CDH18: variants seen among roughly 807,000 people sequenced by gnomAD.
CDH18 encodes the protein cadherin 18.
In CDH18, 31 loss-of-function variants were observed where a neutral mutation model predicts 67.9. That is an observed-to-expected ratio of 0.46 (90% CI 0.34 to 0.62). The LOEUF is 0.62. Ranked by LOEUF, CDH18 falls within the 20% of genes least tolerant of loss-of-function variation. The pLI is 0.01. For missense variants in CDH18, 890 were observed against 975.5 expected, an observed-to-expected ratio of 0.91 and a Z score of 1.17; for synonymous variants, 362 against 347.2, an observed-to-expected ratio of 1.04 and a Z score of -0.48.
At chr5:20,489,343 T>C (rs545253407) in intron 1 of CDH18, among the ~76,000 whole-genome samples, 33 of 152,170 alleles carry the variant, frequency 2.2e-4, no homozygotes, top group African/African-American at 7.9e-4. Flanking sequence ...TAAAAGATTA[T>C]ACATGTGGGT....
At position 20,505,628 on chromosome 5, in the gene CDH18, T is replaced by C. The variant is rs573659232; in HGVS notation, c.-580+69834A>G. On this transcript the variant is annotated intron_variant, in intron 1 of 14. Transcript: ENST00000507958. ...AATAATTTTCTTTCACACATACACA[T>C]ACACATTTTACAAATACAACATATA... Among the ~76,000 whole-genome samples, 4 of 152,298 alleles carry C rather than the reference T, an allele frequency of 2.6e-5. No individual in the cohort carries two copies. In the South Asian group the frequency reaches 8.3e-4, roughly 32 times the overall value.
chr5:20,037,869 G>A (rs1740030848), intron 2 of CDH18, among the ~76,000 whole-genome samples: 1 of 151,766 alleles, frequency 6.6e-6, no homozygotes, highest in Non-Finnish European at 1.5e-5. Context: ...AGAACTGAAG[G>A]AGACAGAGAC....
chr5:20,007,053 T>G (rs922720677), intron 2 of CDH18, among the ~76,000 whole-genome samples: 37 of 151,950 alleles, frequency 2.4e-4, no homozygotes, highest in African/African-American at 7.0e-4. Flanking sequence ...ATTGATTCAC[T>G]GGAAGTACCA....
chr5:19,869,783 C>A (rs1028752543), intron 2 of CDH18, among the ~76,000 whole-genome samples: 4 of 152,104 alleles, frequency 2.6e-5, no homozygotes, highest in Admixed American at 1.3e-4. Context: ...ATGAGTAGTT[C>A]CGTTTCAATT....
At chr5:19,789,668 A>G (rs1299940881) in intron 3 of CDH18, among the ~76,000 whole-genome samples, 1 of 152,178 alleles carries the variant, frequency 6.6e-6, no homozygotes, top group Non-Finnish European at 1.5e-5. Flanking sequence ...TTCTATTGCA[A>G]ATAAATATAT....
At chr5:20,197,702 T>C (rs1294143901) in intron 2 of CDH18, among the ~76,000 whole-genome samples, 1 of 152,210 alleles carries the variant, frequency 6.6e-6, no homozygotes, top group Non-Finnish European at 1.5e-5. Flanking sequence ...GAATACTGTA[T>C]GACTGTTTAG....
chr5:19,815,695 A>AT (rs1047534401), intron 3 of CDH18, among the ~76,000 whole-genome samples: 1 of 151,860 alleles, frequency 6.6e-6, no homozygotes, highest in African/African-American at 2.4e-5. Context: ...GGATATCTCA[A>AT]TTTTTTTGAC....
intron 11 of CDH18, among the ~76,000 whole-genome samples, chr5:19,490,394 G>GGTTTTTTTT (rs1741223437): frequency 2.7e-4 from 16 of 60,210 alleles, no homozygotes; most frequent in African/African-American, 1.0e-3. Context: ...ATAAAAATCT[G>GGTTTTTTTT]TTTTTTTTTT....
chr5:19,977,958 C>T (rs2150353760), intron 2 of CDH18, among the ~76,000 whole-genome samples: 1 of 152,150 alleles, frequency 6.6e-6, no homozygotes, highest in African/African-American at 2.4e-5. Flanking sequence ...GAATATTCTA[C>T]TATGATTGAA....
rs1736855964 is a variant in CDH18 at position 20,172,224 on chromosome 5, G to GTATATATATATATACGTATATATACGTA, written c.-518+83219_-518+83220insTACGTATATATACGTATATATATATATA. On this transcript the variant is annotated intron_variant, in intron 2 of 14. Transcript: ENST00000507958. The stretch of plus-strand genomic sequence containing the variant: ...TATATATATATATATATATATATAT[G>GTATATATATATATACGTATATATACGTA]TATATATATATATATGTATATATAT... Among the ~76,000 whole-genome samples the GTATATATATATATACGTATATATACGTA allele has an allele frequency of 3.1e-4, 6 of 19,526 alleles. 1 individual carries two copies. The highest frequency in any genetic ancestry group is 1.9e-4 in the Non-Finnish European group (2 of 10,662). The allele number at this position is 19,526 out of a possible 152,430, so 12.8% of individuals were successfully genotyped here.
intron 1 of CDH18, among the ~76,000 whole-genome samples, chr5:20,569,705 T>C (rs1758702361): frequency 6.6e-6 from 1 of 152,156 alleles, no homozygotes; most frequent in South Asian, 2.1e-4. Flanking sequence ...AACACTTACA[T>C]ATACACAAAA....
chr5:19,536,327 T>C (rs969878126), intron 9 of CDH18, among the ~76,000 whole-genome samples: 1 of 152,208 alleles, frequency 6.6e-6, no homozygotes, highest in Non-Finnish European at 1.5e-5. Flanking sequence ...AAACAGTTCT[T>C]ACCAGTAAAT....
At chr5:19,686,401 C>G (rs1350300781) in intron 5 of CDH18, among the ~76,000 whole-genome samples, 1 of 152,048 alleles carries the variant, frequency 6.6e-6, no homozygotes, top group Non-Finnish European at 1.5e-5. Flanking sequence ...GGAAGAGTTA[C>G]AGCTTGTGAA....
At chr5:19,736,264 G>A (rs1207421098) in intron 4 of CDH18, among the ~76,000 whole-genome samples, 6 of 152,172 alleles carry the variant, frequency 3.9e-5, no homozygotes, top group Admixed American at 2.0e-4. Context: ...GGTAGCACAC[G>A]CCTTTAGGTG....
intron 1 of CDH18, among the ~76,000 whole-genome samples, chr5:20,372,197 G>A (rs977790717): frequency 6.6e-6 from 1 of 152,142 alleles, no homozygotes; most frequent in Non-Finnish European, 1.5e-5. Context: ...AGAGACCAAA[G>A]AGAGAGATTA....
At chr5:20,024,753 A>C (rs959386493) in intron 2 of CDH18, among the ~76,000 whole-genome samples, 26 of 152,272 alleles carry the variant, frequency 1.7e-4, no homozygotes, top group African/African-American at 6.0e-4. Flanking sequence ...GGAGTCTAAC[A>C]AGGAGATGAA....
chr5:20,188,166 AT>A (rs924884832), intron 2 of CDH18, among the ~76,000 whole-genome samples: 17 of 152,068 alleles, frequency 1.1e-4, no homozygotes, highest in African/African-American at 2.6e-4. Flanking sequence ...CATATATACA[AT>A]TTTTTAAAGC....
chr5:20,396,262 G>A (rs1745270160), intron 1 of CDH18, among the ~76,000 whole-genome samples: 1 of 152,024 alleles, frequency 6.6e-6, no homozygotes, highest in African/African-American at 2.4e-5. Flanking sequence ...TTAATTAGAG[G>A]ACACCCAGCT....
intron 3 of CDH18, among the ~76,000 whole-genome samples, chr5:19,754,267 C>T (rs1392766790): frequency 1.3e-5 from 2 of 152,128 alleles, no homozygotes; most frequent in Non-Finnish European, 2.9e-5. Context: ...TCAAGAGACT[C>T]ACCTAACACA....
Sources: allele counts gnomAD v4.1 joint callset (sites outside exome capture counted in the v4.1 genomes callset), GRCh38; gene constraint gnomAD v4.1.1; transcripts MANE v1.5; gene names NCBI Gene and HGNC (gene_info 2026-07-23, HGNC 2026-07-21).